Variants in CRX observed in about 807,000 individuals in gnomAD.
The protein encoded by CRX is cone-rod homeobox protein.
CRX carries 5 observed loss-of-function variants against 13.1 expected under a neutral mutation model. That is an observed-to-expected ratio of 0.38 (90% CI 0.20 to 0.80). The LOEUF is 0.80. CRX is among the 30% of genes least tolerant of loss of function. The pLI, the probability that CRX is intolerant of heterozygous loss-of-function variation, is 0.43. For synonymous variants in CRX, 179 were observed against 171.1 expected, an observed-to-expected ratio of 1.05 and a Z score of -0.36; for missense variants, 351 against 391.8, an observed-to-expected ratio of 0.90 and a Z score of 0.88.
chr19:47,823,547 G>C (rs1967937614), intron 1 of CRX, among the ~76,000 whole-genome samples: 1 of 152,162 alleles, frequency 6.6e-6, no homozygotes, highest in Admixed American at 6.5e-5. Context: ...GGAGCCAACA[G>C]AGGCTGCAGA....
chr19:47,825,490 G>C lies in CRX; in HGVS notation c.-36+3480G>C, dbSNP rs577373786. ...CTGCCAAACCCAGGGAAAGATTTCAGTGGATGTTCAATATTATTATTGTTA... is the reference window on the plus strand; with the variant it reads ...CTGCCAAACCCAGGGAAAGATTTCACTGGATGTTCAATATTATTATTGTTA... On this transcript the variant is annotated intron_variant, in intron 1 of 3. Coordinates refer to ENST00000221996, the MANE Select transcript of CRX (RefSeq NM_000554.6). Among the ~76,000 whole-genome samples the C allele has an allele frequency of 2.0e-5, 3 of 152,278 alleles. No homozygotes were observed. In the East Asian group the frequency reaches 5.8e-4, roughly 29 times the overall value.
At chr19:47,835,917 A>G (rs114248895) in intron 2 of CRX, among the ~76,000 whole-genome samples, 2,006 of 152,234 alleles carry the variant, frequency 0.013, 44 homozygotes, top group African/African-American at 0.044. Flanking sequence ...CACCGCACCC[A>G]GCCCAGACTT....
intron 1 of CRX, among the ~76,000 whole-genome samples, chr19:47,822,233 T>C (rs1003780981): frequency 3.9e-5 from 6 of 152,176 alleles, no homozygotes; most frequent in Non-Finnish European, 8.8e-5. Context: ...GACTGGCTGA[T>C]GGCACTCGGG....
chr19:47,840,144 C>A lies in CRX; in HGVS notation c.*177C>A. ...CACCCCTTTCCTCCACAGGGAGAGGCTCCTCCCTCTCCTGGGACAGCTCAC... is the reference window on the plus strand; with the variant it reads ...CACCCCTTTCCTCCACAGGGAGAGGATCCTCCCTCTCCTGGGACAGCTCAC... On this transcript the variant is annotated 3_prime_UTR_variant, in exon 4 of 4. Coordinates refer to ENST00000221996, the MANE Select transcript of CRX (RefSeq NM_000554.6). 1.5e-6 allele frequency: 1 copy of A among 667,586 alleles called. No individual in the cohort carries two copies. The highest frequency in any genetic ancestry group is 1.8e-5 in the South Asian group (1 of 55,248). 41.4% of individuals were successfully genotyped at this position (667,586 alleles called of 1,614,324 possible).
Position 47,823,770 on chromosome 19 carries a change from C to T in CRX, c.-36+1760C>T, listed in dbSNP as rs370336095. The stretch of plus-strand genomic sequence containing the variant: ...GTTCAAGCGATTCTCCTGCCTCAGC[C>T]TCTCAAGTATCTGGGATTACAGGCG... On this transcript the variant is annotated intron_variant, in intron 1 of 3. Transcript: ENST00000221996. Among the ~76,000 whole-genome samples, 6 of 152,084 alleles carry T rather than the reference C, an allele frequency of 3.9e-5. No homozygotes were observed. The East Asian group carries it at 7.7e-4, about 20-fold the overall frequency.
At position 47,839,677 on chromosome 19, in the gene CRX, T is replaced by C. The variant is rs1191600890; in HGVS notation, c.610T>C (p.Ser204Pro). The C allele has an allele frequency of 6.2e-7, 1 of 1,613,540 alleles. No homozygotes were observed. Among genetic ancestry groups the C allele is most frequent in the Admixed American group, 1.7e-5 (1 of 59,968 alleles). ...CGCCCCGGCCTCCGCTTTCTGCTCT[T>C]CCCCCTCCGCCTATGGGTCTCCGAG... is the stretch of plus-strand genomic sequence containing the variant. ...TYAPASAFCS[S>P]PSAYGSPSSY... Residue 204 changes from serine to proline, a missense_variant, in exon 4 of 4, where the codon TCC (serine) becomes CCC (proline). By Grantham distance (74) the Ser-to-Pro change is moderately conservative. Transcript: ENST00000221996. The surrounding 1 kb of genome is among the most constrained non-coding windows in gnomAD (Gnocchi z 4.6).
chr19:47,833,457 T>C (rs1358344977), intron 1 of CRX, among the ~76,000 whole-genome samples: 1 of 151,602 alleles, frequency 6.6e-6, no homozygotes, highest in African/African-American at 2.4e-5. Flanking sequence ...AATTTTTGTA[T>C]TTTTAATAGA....
At chr19:47,827,652 T>TTC (rs1967990762) in intron 1 of CRX, among the ~76,000 whole-genome samples, 1 of 144,788 alleles carries the variant, frequency 6.9e-6, no homozygotes, top group African/African-American at 2.6e-5. Flanking sequence ...GATTCTCAAG[T>TTC]AGTTGGGATT....
At chr19:47,834,342 C>T (rs1801929528) in intron 1 of CRX, 67 bp from the exon 2 acceptor site, 2 of 909,988 alleles carry the variant, frequency 2.2e-6, no homozygotes, top group Non-Finnish European at 3.7e-6. Context: ...ATTTGAATCG[C>T]AGCCTGCACG....
intron 1 of CRX, among the ~76,000 whole-genome samples, chr19:47,829,472 C>T (rs1215628124): frequency 1.3e-5 from 2 of 152,088 alleles, no homozygotes; most frequent in East Asian, 3.9e-4. Flanking sequence ...GCTGGGATTA[C>T]AGGCGCCCAC....
At chr19:47,837,842 A>G (rs1389003101) in intron 3 of CRX, among the ~76,000 whole-genome samples, 1 of 152,186 alleles carries the variant, frequency 6.6e-6, no homozygotes, top group Non-Finnish European at 1.5e-5. Flanking sequence ...ATGTATGATC[A>G]GATGGACTGG....
chr19:47,822,298 C>T (rs533655949), intron 1 of CRX, among the ~76,000 whole-genome samples: 37 of 152,266 alleles, frequency 2.4e-4, no homozygotes, highest in African/African-American at 7.5e-4. Context: ...CAAGCCCTGA[C>T]GGCATCCGGG....
intron 3 of CRX, among the ~76,000 whole-genome samples, chr19:47,838,472 G>A (rs1446292684): frequency 6.6e-6 from 1 of 152,110 alleles, no homozygotes; most frequent in Non-Finnish European, 1.5e-5. Context: ...ATAATTGTAT[G>A]TTTGTATGAT....
chr19:47,838,694 T>C (rs1420680236), intron 3 of CRX, among the ~76,000 whole-genome samples: 1 of 152,162 alleles, frequency 6.6e-6, no homozygotes, highest in Non-Finnish European at 1.5e-5. Context: ...GTATGGTGTA[T>C]GTATGTATAA....
chr19:47,827,818 T>C (rs67809613), intron 1 of CRX, among the ~76,000 whole-genome samples: 25,283 of 108,394 alleles, frequency 0.23, 3,025 homozygotes, highest in Admixed American at 0.28. Flanking sequence ...CCCCTGCTCC[T>C]GGCCATGGCA....
At chr19:47,833,819 ATTTGT>A (rs1968084154) in intron 1 of CRX, among the ~76,000 whole-genome samples, 1 of 151,154 alleles carries the variant, frequency 6.6e-6, no homozygotes, top group Non-Finnish European at 1.5e-5. Flanking sequence ...ACAGGATCAG[ATTTGT>A]TTTGTTTTTT....
chr19:47,841,240 G>A lies in CRX; in HGVS notation c.*1273G>A, dbSNP rs1968193160. 1 of 152,166 alleles carries A rather than the reference G, an allele frequency of 6.6e-6. No individual in the cohort carries two copies. Among genetic ancestry groups the A allele is most frequent in the Admixed American group, 6.6e-5 (1 of 15,266 alleles). 9.4% of individuals were successfully genotyped at this position (152,166 alleles called of 1,614,324 possible). A position where few individuals can be genotyped will look rare whatever the true frequency, so the allele number is the denominator to read the frequency against. On this transcript the variant is annotated 3_prime_UTR_variant, in exon 4 of 4. Transcript: ENST00000221996. ...TTCATATATGTAGCTATACATATAT[G>A]TACTTTTTCTTCTTAGTTTCTTTTT...
Position 47,835,620 on chromosome 19 carries a change from G to GTTTTTTTT in CRX, c.101-611_101-604dup, listed in dbSNP as rs34872129. On this transcript the variant is annotated intron_variant, in intron 2 of 3. Coordinates refer to ENST00000221996, the MANE Select transcript of CRX (RefSeq NM_000554.6). ...TTTGTAGCATTATTCTTTAGCTCTTGTTTTTTTTTTTTTTTTTTTCAAGAC... is the reference window on the plus strand; with the variant it reads ...TTTGTAGCATTATTCTTTAGCTCTTGTTTTTTTTTTTTTTTTTTTTTTTTTTTCAAGAC... 6.0e-3 allele frequency among the ~76,000 whole-genome samples: 609 copies of GTTTTTTTT among 102,180 alleles called. 25 individuals carry two copies. Among genetic ancestry groups the GTTTTTTTT allele is most frequent in the African/African-American group, 0.023 (558 of 24,474 alleles). The allele number at this position is 102,180 out of a possible 152,430, so 67.0% of individuals were successfully genotyped here.
chr19:47,827,823 A>G (rs1967993034), intron 1 of CRX, among the ~76,000 whole-genome samples: 1 of 104,600 alleles, frequency 9.6e-6, no homozygotes. Flanking sequence ...GCTCCTGGCC[A>G]TGGCATCTTT....
Sources: allele counts gnomAD v4.1 joint callset (sites outside exome capture counted in the v4.1 genomes callset), GRCh38; gene constraint gnomAD v4.1.1; non-coding constraint Gnocchi (gnomAD v3.1); transcripts MANE v1.5; gene names NCBI Gene and HGNC (gene_info 2026-07-23, HGNC 2026-07-21).